SHROOM3: variants seen among roughly 807,000 people sequenced by gnomAD.
The protein encoded by SHROOM3 is shroom family member 3.
A neutral mutation model predicts 138.6 loss-of-function variants in SHROOM3; 47 were observed. The ratio of observed to expected loss-of-function variants is 0.34; its 90% CI spans 0.27 to 0.43. The LOEUF (loss-of-function observed/expected upper bound fraction) is 0.43, where lower values mean the gene tolerates loss of function less well. SHROOM3 is among the 20% of genes least tolerant of loss of function. The pLI is 1.00. For synonymous variants in SHROOM3, 1,062 were observed against 1,063.3 expected, an observed-to-expected ratio of 1.00 and a Z score of 0.02; for missense variants, 2,491 against 2,596.5, an observed-to-expected ratio of 0.96 and a Z score of 0.88.
At chr4:76,533,203 C>G (rs1195510498) in intron 1 of SHROOM3, among the ~76,000 whole-genome samples, 1 of 152,098 alleles carries the variant, frequency 6.6e-6, no homozygotes, top group Non-Finnish European at 1.5e-5. Flanking sequence ...AATCAGGGCC[C>G]AGATTATTAT....
chr4:76,438,263 G>A (rs1730600277), intron 1 of SHROOM3, among the ~76,000 whole-genome samples: 2 of 152,126 alleles, frequency 1.3e-5, no homozygotes, highest in African/African-American at 4.8e-5. Flanking sequence ...CCATCCTGGA[G>A]TGATATCTCA....
intron 2 of SHROOM3, chr4:76,586,358 C>A (rs1734155668): frequency 2.0e-6 from 2 of 985,638 alleles, no homozygotes; most frequent in Non-Finnish European, 2.4e-6. Flanking sequence ...CCACCTCCCC[C>A]AAGCCACCAA....
chr4:76,682,638 GA>G (rs575692632), intron 2 of SHROOM3, among the ~76,000 whole-genome samples: 51 of 147,972 alleles, frequency 3.4e-4, no homozygotes, highest in Admixed American at 7.4e-4. Context: ...GGAAAGGTAA[GA>G]AGGAAAAAAA....
At chr4:76,497,134 C>T (rs1254971687) in intron 1 of SHROOM3, among the ~76,000 whole-genome samples, 2 of 152,248 alleles carry the variant, frequency 1.3e-5, no homozygotes, top group Non-Finnish European at 2.9e-5. Context: ...GGACAAGTCA[C>T]TTCAGCTCTC....
intron 2 of SHROOM3, among the ~76,000 whole-genome samples, chr4:76,644,852 G>C (rs1304864959): frequency 6.6e-6 from 1 of 151,962 alleles, no homozygotes; most frequent in African/African-American, 2.4e-5. Flanking sequence ...TTTGTGTCTT[G>C]GACAGGACTT....
At chr4:76,708,925 G>A (rs538682390) in intron 2 of SHROOM3, among the ~76,000 whole-genome samples, 3 of 152,294 alleles carry the variant, frequency 2.0e-5, no homozygotes, top group South Asian at 4.1e-4. Flanking sequence ...ATCCAAAGCC[G>A]AGAATCCTAA....
chr4:76,528,189 A>C lies in SHROOM3; in HGVS notation c.169-27420A>C, dbSNP rs148087441. Among the ~76,000 whole-genome samples the C allele has an allele frequency of 1.5e-4, 23 of 152,260 alleles. No individual in the cohort carries two copies. The East Asian group carries it at 3.7e-3, about 24-fold the overall frequency. On this transcript the variant is annotated intron_variant, in intron 1 of 10. Transcript: ENST00000296043. ...GTCAAGTGAGCCAAGAAGTAATTTTATTTCTCTATAATTGAATTAGATTAA... is the reference window on the plus strand; with the variant it reads ...GTCAAGTGAGCCAAGAAGTAATTTTCTTTCTCTATAATTGAATTAGATTAA...
intron 3 of SHROOM3, among the ~76,000 whole-genome samples, chr4:76,723,810 C>T (rs1285211213): frequency 1.3e-5 from 2 of 152,144 alleles, no homozygotes; most frequent in South Asian, 2.1e-4. Context: ...AGAAAATACT[C>T]GTCAAGTGCC....
intron 2 of SHROOM3, among the ~76,000 whole-genome samples, chr4:76,660,484 A>T (rs979745590): frequency 3.3e-5 from 5 of 151,494 alleles, no homozygotes; most frequent in Non-Finnish European, 5.9e-5. Flanking sequence ...TATTTTAATT[A>T]ATTTTTTTTA....
chr4:76,450,492 C>T (rs1183032312), intron 1 of SHROOM3, among the ~76,000 whole-genome samples: 1 of 152,116 alleles, frequency 6.6e-6, no homozygotes. Flanking sequence ...AATCCAAATG[C>T]CCATCAACTG....
At chr4:76,712,845 G>T (rs1244031295) in intron 3 of SHROOM3, among the ~76,000 whole-genome samples, 1 of 152,114 alleles carries the variant, frequency 6.6e-6, no homozygotes, top group Non-Finnish European at 1.5e-5. Flanking sequence ...AAACCTAGAT[G>T]GTGTGACCTA....
chr4:76,529,949 G>A (rs1262472202), intron 1 of SHROOM3, among the ~76,000 whole-genome samples: 2 of 152,280 alleles, frequency 1.3e-5, no homozygotes, highest in Non-Finnish European at 1.5e-5. Flanking sequence ...GATTTTCTCA[G>A]CTTTAGCAAT....
intron 2 of SHROOM3, among the ~76,000 whole-genome samples, chr4:76,686,029 G>A (rs1357200120): frequency 1.3e-5 from 2 of 151,384 alleles, no homozygotes; most frequent in African/African-American, 2.4e-5. Context: ...TTTTTTAGAG[G>A]CAGCGTCTTG....
Position 76,741,777 on chromosome 4 carries a change from G to C in SHROOM3, c.3604G>C (p.Gly1202Arg), listed in dbSNP as rs1480321825. The C allele has an allele frequency of 1.9e-6, 3 of 1,574,880 alleles. No homozygotes were observed. Among genetic ancestry groups the C allele is most frequent in the African/African-American group, 2.7e-5 (2 of 74,314 alleles). Residue 1202 changes from glycine (G) to arginine (R), a missense_variant, in exon 5 of 11, where the codon GGG becomes CGG. Around this residue, in one of 4 missense-constraint regions of SHROOM3, gnomAD observed 1,733 missense variants for 1,661.6 expected, o/e 1.04. Coordinates refer to ENST00000296043, the MANE Select transcript of SHROOM3 (RefSeq NM_020859.4). The surrounding 1 kb of genome is among the most constrained non-coding windows in gnomAD (Gnocchi z 6.2). Reference sequence around the variant, plus strand: ...CGGTGGAACAAGGGGCACCCAGAGAGGGGATGAGACCCCCAGGGAGCCATC... The same window carrying C: ...CGGTGGAACAAGGGGCACCCAGAGACGGGATGAGACCCCCAGGGAGCCATC... The part of the protein sequence containing the change: ...ANGGTRGTQR[G>R]DETPREPSSW...
intron 1 of SHROOM3, among the ~76,000 whole-genome samples, chr4:76,493,104 T>C (rs894177548): frequency 6.6e-6 from 1 of 151,390 alleles, no homozygotes; most frequent in Non-Finnish European, 1.5e-5. Context: ...GTCTGTAATC[T>C]CAGCTACTCG....
intron 4 of SHROOM3, among the ~76,000 whole-genome samples, chr4:76,733,621 AG>A (rs1720946816): frequency 1.3e-5 from 2 of 152,170 alleles, no homozygotes; most frequent in South Asian, 4.1e-4. Context: ...TGGCAGCGGC[AG>A]GTGGAGAGGT....
At position 76,741,216 on chromosome 4, in the gene SHROOM3, CAGA is replaced by C. The variant is rs1721244041; in HGVS notation, c.3049_3051del (p.Lys1017del). ...TGCTCGCCGGCGCCTGACTCCCGAG[CAGA>C]AGAAGCGCTCCTACTCGGAGCCCGA... is the stretch of plus-strand genomic sequence containing the variant. On this transcript the variant is annotated inframe_deletion, in exon 5 of 11. Coordinates refer to ENST00000296043, the MANE Select transcript of SHROOM3 (RefSeq NM_020859.4). The surrounding 1 kb of genome is among the most constrained non-coding windows in gnomAD (Gnocchi z 6.2). 6 of 1,608,838 alleles carry C rather than the reference CAGA, an allele frequency of 3.7e-6. No individual in the cohort carries two copies. The highest frequency in any genetic ancestry group is 1.3e-5 in the African/African-American group (1 of 74,844).
Position 76,754,772 on chromosome 4 carries a change from G to T in SHROOM3, c.4289G>T (p.Arg1430Leu). The change falls in exon 7 of 11, where the codon CGA becomes CTA. Residue 1430 changes from arginine to leucine, a missense_variant. Coordinates refer to ENST00000296043, the MANE Select transcript of SHROOM3 (RefSeq NM_020859.4). ...CTGCCTCAGTGGCCACCTCCTTCTC[G>T]AGCAAAGTGGGCCCACGCAGCCAGA... is the stretch of plus-strand genomic sequence containing the variant. The part of the protein sequence containing the change: ...VSLPQWPPPS[R>L]AKWAHAARED... 1 of 1,614,094 alleles carries T rather than the reference G, an allele frequency of 6.2e-7. No homozygotes were observed. The highest frequency in any genetic ancestry group is 8.5e-7 in the Non-Finnish European group (1 of 1,179,984).
intron 2 of SHROOM3, among the ~76,000 whole-genome samples, chr4:76,558,921 A>G (rs1241236382): frequency 2.6e-5 from 4 of 152,188 alleles, no homozygotes; most frequent in Non-Finnish European, 5.9e-5. Context: ...GCGGCCAGAG[A>G]TTCACATCCA....
Sources: gnomAD v4.1 joint callset for allele counts (sites outside exome capture counted in the v4.1 genomes callset) on GRCh38, gnomAD v4.1.1 for gene constraint, gnomAD v4.1.1 regional missense constraint, Gnocchi (gnomAD v3.1) non-coding constraint, MANE v1.5 for transcripts, NCBI Gene and HGNC (gene_info 2026-07-23, HGNC 2026-07-21) for gene names.